Variants in GPD2 observed in about 807,000 individuals in gnomAD.
GPD2 encodes the protein glycerol-3-phosphate dehydrogenase 2, also known as glycerol-3-phosphate dehydrogenase, mitochondrial.
In GPD2, 54 loss-of-function variants were observed where a neutral mutation model predicts 82.4. That is an observed-to-expected ratio of 0.66 (90% CI 0.53 to 0.82). The LOEUF (loss-of-function observed/expected upper bound fraction) is 0.82, where lower values mean the gene tolerates loss of function less well. Among genes scored for constraint, GPD2 ranks in the 40% least tolerant of loss-of-function variants. GPD2 has a pLI of 0.00. For synonymous variants in GPD2, 288 were observed against 306.1 expected, an observed-to-expected ratio of 0.94 and a Z score of 0.62; for missense variants, 748 against 896.2, an observed-to-expected ratio of 0.83 and a Z score of 2.11.
At chr2:156,518,491 G>T (rs879919365) in intron 6 of GPD2, among the ~76,000 whole-genome samples, 2 of 152,170 alleles carry the variant, frequency 1.3e-5, no homozygotes, top group Non-Finnish European at 2.9e-5. Context: ...CTGGCAAAAG[G>T]CATATTGTGG....
rs1222941160 is a variant in GPD2 at position 156,578,900 on chromosome 2, A to C, written c.1779A>C (p.Glu593Asp). 1.3e-6 allele frequency: 2 copies of C among 1,593,716 alleles called. No individual in the cohort carries two copies. The highest frequency in any genetic ancestry group is 2.2e-5 in the East Asian group (1 of 44,692). The change falls in exon 14 of 17, where the codon GAA (glutamate) becomes GAC (aspartate). Residue 593 changes from glutamate to aspartate, a missense_variant. Physicochemically the swap from Glu to Asp is conservative, Grantham distance 45 (BLOSUM62 2). Coordinates refer to ENST00000438166, the MANE Select transcript of GPD2 (RefSeq NM_000408.5). ...WDDYKKQEQLETARKFLYYEM... is the reference protein window; with the variant it reads ...WDDYKKQEQLDTARKFLYYEM... ...TATCTCTGTTTTAGGAACAACTTGA[A>C]ACAGCCAGGAAGTTTCTATATTATG...
chr2:156,517,429 A>G (rs1685240728), intron 6 of GPD2, among the ~76,000 whole-genome samples: 1 of 152,254 alleles, frequency 6.6e-6, no homozygotes, highest in Non-Finnish European at 1.5e-5. Context: ...AGTGAAATCC[A>G]TATGAAATGA....
upstream of GPD2, among the ~76,000 whole-genome samples, chr2:156,432,687 A>G (rs898256879): frequency 2.0e-5 from 3 of 152,222 alleles, no homozygotes; most frequent in Non-Finnish European, 2.9e-5. Flanking sequence ...CAAGTCAGCA[A>G]TGTTTTATTG....
chr2:156,557,591 G>A lies in GPD2; in HGVS notation c.1165+9G>A, dbSNP rs781714204. 6.0e-6 allele frequency: 9 copies of A among 1,492,916 alleles called. No homozygotes were observed. The highest frequency in any genetic ancestry group is 1.7e-4 in the Middle Eastern group (1 of 5,816). The allele number at this position is 1,492,916 out of a possible 1,614,324, so 92.5% of individuals were successfully genotyped here. On this transcript the variant is annotated intron_variant, in intron 9 of 16. Coordinates refer to ENST00000438166, the MANE Select transcript of GPD2 (RefSeq NM_000408.5). ...GAGTTGTGATGTTGAAGGTAACTAAGCATTCCTTTAAGTTTGTCTCTCTGT... is the reference window on the plus strand; with the variant it reads ...GAGTTGTGATGTTGAAGGTAACTAAACATTCCTTTAAGTTTGTCTCTCTGT...
intron 1 of GPD2, among the ~76,000 whole-genome samples, chr2:156,449,100 C>T (rs1394732765): frequency 6.6e-6 from 1 of 152,196 alleles, no homozygotes; most frequent in East Asian, 1.9e-4. Flanking sequence ...TTAGGGTTCC[C>T]CCTGGTAATT....
At chr2:156,571,084 T>C (rs1558967867) in intron 12 of GPD2, 50 bp from the exon 13 acceptor site, 1 of 1,207,878 alleles carries the variant, frequency 8.3e-7, no homozygotes, top group Non-Finnish European at 1.2e-6. Flanking sequence ...TTATTTCTCA[T>C]TTTCTAAAGA....
chr2:156,472,261 C>A (rs1683356457), intron 1 of GPD2, among the ~76,000 whole-genome samples: 1 of 152,180 alleles, frequency 6.6e-6, no homozygotes, highest in Non-Finnish European at 1.5e-5. Context: ...ATGTTGTCCA[C>A]AGCATTTGGT....
chr2:156,411,146 A>G, the GPD2 span, among the ~76,000 whole-genome samples: 2 of 152,206 alleles, frequency 1.3e-5, no homozygotes, highest in Non-Finnish European at 2.9e-5. Context: ...AGATGAAAAA[A>G]CAAGGGGGTA....
the GPD2 span, among the ~76,000 whole-genome samples, chr2:156,417,846 A>G: frequency 6.7e-6 from 1 of 149,506 alleles, no homozygotes; most frequent in Non-Finnish European, 1.5e-5. Context: ...TTGTATCACT[A>G]CTCTTCAGCC....
chr2:156,412,923 C>T, the GPD2 span, among the ~76,000 whole-genome samples: 12 of 151,946 alleles, frequency 7.9e-5, no homozygotes, highest in Non-Finnish European at 2.9e-5. Flanking sequence ...ATAGTGAAAC[C>T]CCTTCTCTAC....
chr2:156,478,479 G>A (rs893684717), intron 2 of GPD2, among the ~76,000 whole-genome samples: 2 of 151,982 alleles, frequency 1.3e-5, no homozygotes, highest in South Asian at 2.1e-4. Context: ...TAGCAGGTGC[G>A]ATGTAGCCAT....
the GPD2 span, among the ~76,000 whole-genome samples, chr2:156,408,235 G>A: frequency 3.9e-5 from 6 of 152,030 alleles, no homozygotes; most frequent in Non-Finnish European, 8.8e-5. Context: ...GATTATAGGC[G>A]TTAGACACTG....
chr2:156,449,218 G>C (rs2169504), intron 1 of GPD2, among the ~76,000 whole-genome samples: 87,359 of 151,802 alleles, frequency 0.58, 25,444 homozygotes, highest in East Asian at 0.77. Flanking sequence ...ATATGTTGTG[G>C]GCGTCATTAT....
chr2:156,511,478 CTT>C (rs958107184), intron 4 of GPD2, among the ~76,000 whole-genome samples: 1 of 152,186 alleles, frequency 6.6e-6, no homozygotes, highest in Non-Finnish European at 1.5e-5. Flanking sequence ...CTTCCTATCT[CTT>C]TTTGTACATG....
intron 2 of GPD2, among the ~76,000 whole-genome samples, chr2:156,483,528 T>C (rs1373018513): frequency 1.3e-5 from 2 of 152,154 alleles, no homozygotes; most frequent in Non-Finnish European, 2.9e-5. Context: ...AGATATAACA[T>C]CAGAGTTTAA....
chr2:156,440,548 G>A (rs965104591), intron 1 of GPD2, among the ~76,000 whole-genome samples: 9 of 152,082 alleles, frequency 5.9e-5, no homozygotes, highest in Non-Finnish European at 8.8e-5. Context: ...TTGATCTCTC[G>A]TTAGAGACTC....
upstream of GPD2, among the ~76,000 whole-genome samples, chr2:156,430,904 CAGGTAG>C (rs1688309352): frequency 6.6e-6 from 1 of 152,214 alleles, no homozygotes. Flanking sequence ...GTCTTAGTAG[CAGGTAG>C]CCTACTCTCC....
chr2:156,441,604 C>T (rs1682179173), intron 1 of GPD2, among the ~76,000 whole-genome samples: 1 of 152,162 alleles, frequency 6.6e-6, no homozygotes, highest in Admixed American at 6.5e-5. Context: ...CTGTTAGCCA[C>T]TATAGCAAAT....
chr2:156,425,534 A>G, the GPD2 span, among the ~76,000 whole-genome samples: 2 of 152,344 alleles, frequency 1.3e-5, no homozygotes, highest in East Asian at 1.9e-4. Flanking sequence ...CTTGTTGACT[A>G]TAATTTATAC....
Sources: gnomAD v4.1 joint callset for allele counts (sites outside exome capture counted in the v4.1 genomes callset) on GRCh38, gnomAD v4.1.1 for gene constraint, MANE v1.5 for transcripts, NCBI Gene and HGNC (gene_info 2026-07-23, HGNC 2026-07-21) for gene names.